The following PLCB1 variants were observed in gnomAD, a reference collection of about 807,000 sequenced individuals.
The protein encoded by PLCB1 is 1-phosphatidylinositol 4,5-bisphosphate phosphodiesterase beta-1.
PLCB1 carries 46 observed loss-of-function variants against 161.8 expected under a neutral mutation model. The ratio of observed to expected loss-of-function variants is 0.28; its 90% CI spans 0.22 to 0.36. The LOEUF (loss-of-function observed/expected upper bound fraction) is 0.36, where lower values mean the gene tolerates loss of function less well. Ranked by LOEUF, PLCB1 falls within the 10% of genes least tolerant of loss-of-function variation. PLCB1 has a pLI of 1.00. For synonymous variants in PLCB1, 517 were observed against 503.7 expected, an observed-to-expected ratio of 1.03 and a Z score of -0.35; for missense variants, 1,016 against 1,472.5, an observed-to-expected ratio of 0.69 and a Z score of 5.07.
At chr20:8,344,272 C>T (rs1406994616) in intron 2 of PLCB1, among the ~76,000 whole-genome samples, 1 of 152,230 alleles carries the variant, frequency 6.6e-6, no homozygotes, top group Non-Finnish European at 1.5e-5. Flanking sequence ...TCCAGCTTTA[C>T]TAACCAACCC....
At chr20:8,137,229 G>A (rs1030165297) in intron 1 of PLCB1, among the ~76,000 whole-genome samples, 2 of 152,200 alleles carry the variant, frequency 1.3e-5, no homozygotes, top group African/African-American at 4.8e-5. Context: ...TGCTGTTCCA[G>A]TTTCCAAAAT....
intron 3 of PLCB1, among the ~76,000 whole-genome samples, chr20:8,573,304 G>A (rs80254043): frequency 0.033 from 5,061 of 152,214 alleles, 276 homozygotes; most frequent in African/African-American, 0.11. Context: ...TGAATATTCA[G>A]GAGATAATGA....
intron 3 of PLCB1, among the ~76,000 whole-genome samples, chr20:8,440,879 T>C (rs1394736334): frequency 6.6e-6 from 1 of 152,090 alleles, no homozygotes; most frequent in African/African-American, 2.4e-5. Flanking sequence ...ATCTGATCAC[T>C]ATATGTTATA....
chr20:8,136,098 A>G (rs1214219918), intron 1 of PLCB1, among the ~76,000 whole-genome samples: 1 of 152,158 alleles, frequency 6.6e-6, no homozygotes, highest in African/African-American at 2.4e-5. Flanking sequence ...CCTCTGAGGG[A>G]TGGAAGGGTT....
Position 8,766,116 on chromosome 20 carries a change from A to G in PLCB1, c.2930+758A>G, listed in dbSNP as rs148560668. Among the ~76,000 whole-genome samples, 631 of 152,312 alleles carry G rather than the reference A, an allele frequency of 4.1e-3. 2 individuals carry two copies. Among genetic ancestry groups the G allele is most frequent in the Middle Eastern group, 0.02 (6 of 294 alleles). Reference sequence around the variant, plus strand: ...TACCCAAACCTTGATGATGAGAAGCATCTCTCACACATTCACTTAATTAAT... The same window carrying G: ...TACCCAAACCTTGATGATGAGAAGCGTCTCTCACACATTCACTTAATTAAT... On this transcript the variant is annotated intron_variant, in intron 26 of 31. Coordinates refer to ENST00000338037, the MANE Select transcript of PLCB1 (RefSeq NM_015192.4).
chr20:8,509,282 C>G, intron 3 of PLCB1, among the ~76,000 whole-genome samples: 1 of 152,276 alleles, frequency 6.6e-6, no homozygotes, highest in African/African-American at 2.4e-5. Context: ...GAAATAGTTC[C>G]GTGCTTCAAC....
At chr20:8,483,018 A>G (rs1386188444) in intron 3 of PLCB1, among the ~76,000 whole-genome samples, 3 of 152,100 alleles carry the variant, frequency 2.0e-5, no homozygotes, top group Non-Finnish European at 4.4e-5. Flanking sequence ...AGTGCCTGAA[A>G]TCTTGACATT....
At chr20:8,622,287 T>A (rs557365477) in intron 3 of PLCB1, among the ~76,000 whole-genome samples, 14 of 152,034 alleles carry the variant, frequency 9.2e-5, no homozygotes, top group African/African-American at 3.4e-4. Flanking sequence ...TAGTAGCCTA[T>A]CTGATGAAAT....
At chr20:8,366,226 T>G (rs1198791264) in intron 2 of PLCB1, among the ~76,000 whole-genome samples, 1 of 152,186 alleles carries the variant, frequency 6.6e-6, no homozygotes, top group Non-Finnish European at 1.5e-5. Flanking sequence ...TTTGTGGAAT[T>G]CATTATTTCT....
intron 3 of PLCB1, among the ~76,000 whole-genome samples, chr20:8,565,949 C>T (rs1986319600): frequency 6.6e-6 from 1 of 152,024 alleles, no homozygotes; most frequent in Middle Eastern, 3.2e-3. Flanking sequence ...CTAAAGCCAC[C>T]ACAGCAGCGC....
intron 3 of PLCB1, among the ~76,000 whole-genome samples, chr20:8,441,281 A>G (rs1490875479): frequency 1.3e-5 from 2 of 152,188 alleles, no homozygotes; most frequent in Non-Finnish European, 2.9e-5. Flanking sequence ...GAAAATATCA[A>G]TTTTTACACT....
chr20:8,243,180 G>A (rs1057393007), intron 2 of PLCB1, among the ~76,000 whole-genome samples: 1 of 151,978 alleles, frequency 6.6e-6, no homozygotes, highest in Non-Finnish European at 1.5e-5. Context: ...AATAACAGAT[G>A]AGTTCTGTTC....
At chr20:8,448,673 C>T (rs1210904900) in intron 3 of PLCB1, among the ~76,000 whole-genome samples, 1 of 152,038 alleles carries the variant, frequency 6.6e-6, no homozygotes, top group Admixed American at 6.5e-5. Context: ...AGGGATAATT[C>T]ATTTTTGAAA....
intron 31 of PLCB1, among the ~76,000 whole-genome samples, chr20:8,808,385 C>G (rs1984646923): frequency 6.6e-6 from 1 of 152,114 alleles, no homozygotes; most frequent in East Asian, 1.9e-4. Flanking sequence ...CACACGCTGG[C>G]ACTTCTTCCT....
intron 9 of PLCB1, among the ~76,000 whole-genome samples, chr20:8,672,304 A>G (rs1383149964): frequency 6.6e-6 from 1 of 152,226 alleles, no homozygotes; most frequent in East Asian, 1.9e-4. Flanking sequence ...AGCAAGTAGC[A>G]TATCATAAAA....
At chr20:8,261,954 G>C (rs1001385437) in intron 2 of PLCB1, among the ~76,000 whole-genome samples, 3 of 152,134 alleles carry the variant, frequency 2.0e-5, no homozygotes, top group Admixed American at 2.0e-4. Flanking sequence ...TAGACATCCA[G>C]GTAGCCCCAC....
intron 9 of PLCB1, among the ~76,000 whole-genome samples, chr20:8,664,841 C>T (rs1422308205): frequency 6.6e-6 from 1 of 152,150 alleles, no homozygotes; most frequent in African/African-American, 2.4e-5. Context: ...GCCTATAGCT[C>T]ACCAGTCCTA....
chr20:8,589,685 C>A (rs776964882), intron 3 of PLCB1, among the ~76,000 whole-genome samples: 7 of 143,260 alleles, frequency 4.9e-5, no homozygotes, highest in Admixed American at 7.3e-5. Flanking sequence ...GATGCAATCA[C>A]AGCTCATGCA....
intron 3 of PLCB1, among the ~76,000 whole-genome samples, chr20:8,439,461 G>T (rs1980455173): frequency 6.6e-6 from 1 of 152,060 alleles, no homozygotes; most frequent in Non-Finnish European, 1.5e-5. Flanking sequence ...GAAAAACTTA[G>T]GTACAGAAAT....
Sources: gnomAD v4.1 joint callset for allele counts (sites outside exome capture counted in the v4.1 genomes callset) on GRCh38, gnomAD v4.1.1 for gene constraint, MANE v1.5 for transcripts, NCBI Gene and HGNC (gene_info 2026-07-23, HGNC 2026-07-21) for gene names.